SNX18: variants seen among roughly 807,000 people sequenced by gnomAD.
SNX18 encodes the protein sorting nexin-18.
A neutral mutation model predicts 48.7 loss-of-function variants in SNX18; 35 were observed. The observed-to-expected ratio is 0.72, with a 90% confidence interval of 0.55 to 0.95. The LOEUF is 0.95. Among genes scored for constraint, SNX18 ranks in the 40% least tolerant of loss-of-function variants. The pLI, the probability that SNX18 is intolerant of heterozygous loss-of-function variation, is 0.00. For synonymous variants in SNX18, 492 were observed against 384.7 expected, an observed-to-expected ratio of 1.28 and a Z score of -3.26; for missense variants, 824 against 871.0, an observed-to-expected ratio of 0.95 and a Z score of 0.68.
chr5:54,563,890 T>C, the SNX18 span, among the ~76,000 whole-genome samples: 1 of 151,946 alleles, frequency 6.6e-6, no homozygotes, highest in African/African-American at 2.4e-5. Flanking sequence ...TTGTGTATAA[T>C]TATGTAATAT....
rs537115300 is a variant in SNX18 at position 54,546,472 on chromosome 5, T to C, written c.*3040T>C. 6.6e-6 allele frequency: 1 copy of C among 152,372 alleles called. No homozygotes were observed. Among genetic ancestry groups the C allele is most frequent in the East Asian group, 1.9e-4 (1 of 5,188 alleles). 9.4% of individuals were successfully genotyped at this position (152,372 alleles called of 1,614,324 possible). A position where few individuals can be genotyped will look rare whatever the true frequency, so the allele number is the denominator to read the frequency against. The stretch of plus-strand genomic sequence containing the variant: ...ACAGAATAAGTAAAACAGGGTATTA[T>C]TTATTTGTAGTCTAGAAATGTTGAA... On this transcript the variant is annotated 3_prime_UTR_variant, in exon 2 of 2. Coordinates refer to ENST00000381410, the MANE Select transcript of SNX18 (RefSeq NM_001102575.2).
chr5:54,523,674 G>A (rs574126460), intron 1 of SNX18, among the ~76,000 whole-genome samples: 57 of 152,304 alleles, frequency 3.7e-4, no homozygotes, highest in Non-Finnish European at 7.2e-4. Context: ...TGTTCCAGAT[G>A]GAGCCTTTTT....
the SNX18 span, among the ~76,000 whole-genome samples, chr5:54,589,997 C>G: frequency 6.6e-6 from 1 of 152,196 alleles, no homozygotes; most frequent in African/African-American, 2.4e-5. Context: ...TACTATGTTG[C>G]TCAGGCTGGT....
chr5:54,521,371 T>C (rs939244587), intron 1 of SNX18, among the ~76,000 whole-genome samples: 16 of 152,328 alleles, frequency 1.1e-4, no homozygotes, highest in African/African-American at 3.4e-4. Flanking sequence ...TGTTCTAATA[T>C]CTATTTTGAG....
chr5:54,616,348 T>C, the SNX18 span, among the ~76,000 whole-genome samples: 17 of 152,336 alleles, frequency 1.1e-4, no homozygotes, highest in Admixed American at 1.0e-3. Flanking sequence ...CTTCCCTATT[T>C]TCCAGGTGGT....
the SNX18 span, among the ~76,000 whole-genome samples, chr5:54,580,379 T>C: frequency 0.014 from 2,079 of 152,326 alleles, 21 homozygotes; most frequent in Non-Finnish European, 0.021. Context: ...TAACTAAGAA[T>C]GAGGTTTTCT....
In SNX18 at chr5:54,518,225, C is replaced by A. The variant is rs759728041; in HGVS notation, c.273C>A (p.Val91=). 1.4e-6 allele frequency: 2 copies of A among 1,408,080 alleles called. No homozygotes were observed. The highest frequency in any genetic ancestry group is 9.2e-7 in the Non-Finnish European group (1 of 1,090,652). 87.2% of individuals were successfully genotyped at this position (1,408,080 alleles called of 1,614,324 possible). Residue 91 remains valine (V), a synonymous_variant, in exon 1 of 2, where the codon GTC becomes GTA. Transcript: ENST00000381410. ...CCGGGGGCTTCGAGCCCCTGCCTGT[C>A]GCGCCCCCCGCCTCCTTCAAGCCGC... is the stretch of plus-strand genomic sequence containing the variant. ...VPPGGFEPLP[V]APPASFKPPP...
In SNX18 at chr5:54,517,931, C is replaced by T. The variant is rs1192225129; in HGVS notation, c.-22C>T. Reference sequence around the variant, plus strand: ...GGCTCGGGACGCCGGGAGTCGGGACCGCCAGTCGGGGCGCCGGGACCATGG... The same window carrying T: ...GGCTCGGGACGCCGGGAGTCGGGACTGCCAGTCGGGGCGCCGGGACCATGG... On this transcript the variant is annotated 5_prime_UTR_variant, in exon 1 of 2. Coordinates refer to ENST00000381410, the MANE Select transcript of SNX18 (RefSeq NM_001102575.2). 3 of 1,493,208 alleles carry T rather than the reference C, an allele frequency of 2.0e-6. No individual in the cohort carries two copies. Among genetic ancestry groups the T allele is most frequent in the Non-Finnish European group, 2.7e-6 (3 of 1,125,628 alleles). The allele number at this position is 1,493,208 out of a possible 1,614,324, so 92.5% of individuals were successfully genotyped here. A position where few individuals can be genotyped will look rare whatever the true frequency, so the allele number is the denominator to read the frequency against.
chr5:54,641,433 A>C, the SNX18 span, among the ~76,000 whole-genome samples: 1 of 152,156 alleles, frequency 6.6e-6, no homozygotes, highest in Non-Finnish European at 1.5e-5. Context: ...TCAGCACATA[A>C]AATAAACAGG....
the SNX18 span, among the ~76,000 whole-genome samples, chr5:54,557,796 A>G: frequency 6.6e-6 from 1 of 152,254 alleles, no homozygotes; most frequent in Non-Finnish European, 1.5e-5. Flanking sequence ...TTGAAAAAAT[A>G]GTTATCTTCT....
chr5:54,547,721 C>T (rs1271117052), downstream of SNX18, among the ~76,000 whole-genome samples: 1 of 152,154 alleles, frequency 6.6e-6, no homozygotes, highest in African/African-American at 2.4e-5. Flanking sequence ...AGAAAGGGTC[C>T]AAAACTGACT....
chr5:54,603,250 A>ATT, the SNX18 span, among the ~76,000 whole-genome samples: 8 of 71,062 alleles, frequency 1.1e-4, no homozygotes, highest in Admixed American at 7.2e-4. Flanking sequence ...ATATATATAT[A>ATT]TTTTTTTAGA....
At chr5:54,528,522 T>G (rs1762187110) in intron 1 of SNX18, among the ~76,000 whole-genome samples, 1 of 152,202 alleles carries the variant, frequency 6.6e-6, no homozygotes, top group African/African-American at 2.4e-5. Context: ...GTGTGACTTT[T>G]GGAGGAGTGT....
At chr5:54,584,796 C>T in the SNX18 span, among the ~76,000 whole-genome samples, 1 of 152,186 alleles carries the variant, frequency 6.6e-6, no homozygotes, top group Non-Finnish European at 1.5e-5. Context: ...TTGCCTCACA[C>T]AGATGGCTGG....
chr5:54,558,857 T>C, the SNX18 span, among the ~76,000 whole-genome samples: 2 of 152,276 alleles, frequency 1.3e-5, no homozygotes, highest in African/African-American at 4.8e-5. Flanking sequence ...CTGGTACCCA[T>C]GTTCTAATGA....
At chr5:54,555,972 C>A in the SNX18 span, among the ~76,000 whole-genome samples, 163 of 152,210 alleles carry the variant, frequency 1.1e-3, no homozygotes, top group African/African-American at 3.8e-3. Context: ...GGTTTCCTTG[C>A]TATAATTTCC....
chr5:54,585,530 G>A, the SNX18 span, among the ~76,000 whole-genome samples: 1 of 152,038 alleles, frequency 6.6e-6, no homozygotes, highest in African/African-American at 2.4e-5. Context: ...TTGAATGAAG[G>A]GACATGGGAC....
At chr5:54,529,076 A>C (rs890550543) in intron 1 of SNX18, among the ~76,000 whole-genome samples, 1 of 152,222 alleles carries the variant, frequency 6.6e-6, no homozygotes, top group African/African-American at 2.4e-5. Flanking sequence ...GCCTGCACTT[A>C]AGATGGACAG....
the SNX18 span, among the ~76,000 whole-genome samples, chr5:54,561,328 A>C: frequency 4.6e-5 from 7 of 152,016 alleles, no homozygotes; most frequent in Non-Finnish European, 1.0e-4. Flanking sequence ...GGCATGAGGC[A>C]CTGCACCCGG....
Sources: allele counts gnomAD v4.1 joint callset (sites outside exome capture counted in the v4.1 genomes callset), GRCh38; gene constraint gnomAD v4.1.1; transcripts MANE v1.5; gene names NCBI Gene and HGNC (gene_info 2026-07-23, HGNC 2026-07-21).